The following TEAD1 variants were observed in gnomAD, a reference collection of about 807,000 sequenced individuals.
The protein encoded by TEAD1 is TEA domain transcription factor 1, also known as transcriptional enhancer factor TEF-1.
In TEAD1, 9 loss-of-function variants were observed where a neutral mutation model predicts 54.9. That is an observed-to-expected ratio of 0.16 (90% CI 0.10 to 0.29). The LOEUF (loss-of-function observed/expected upper bound fraction) is 0.29. Among genes scored for constraint, TEAD1 ranks in the 10% least tolerant of loss-of-function variants. TEAD1 has a pLI of 1.00. For synonymous variants in TEAD1, 200 were observed against 187.8 expected, an observed-to-expected ratio of 1.07 and a Z score of -0.53; for missense variants, 387 against 535.9, an observed-to-expected ratio of 0.72 and a Z score of 2.74.
In TEAD1 at chr11:12,850,306, C is replaced by T. The variant is rs1283520107; in HGVS notation, c.203-11944C>T. 3.3e-5 allele frequency among the ~76,000 whole-genome samples: 5 copies of T among 152,254 alleles called. No individual in the cohort carries two copies. The East Asian group carries it at 9.7e-4, about 29-fold the overall frequency. On this transcript the variant is annotated intron_variant, in intron 3 of 12. Coordinates refer to ENST00000527636, the MANE Select transcript of TEAD1 (RefSeq NM_021961.6). ...AAACAATTAGCCTGGCGTGGTGGCT[C>T]ATGCCTGTAATCCCAGCTACTCAGG...
At chr11:12,855,781 CA>C (rs113125361) in intron 3 of TEAD1, among the ~76,000 whole-genome samples, 3 of 147,150 alleles carry the variant, frequency 2.0e-5, no homozygotes, top group African/African-American at 2.5e-5. Flanking sequence ...TCTGTCTCTA[CA>C]AAAAAAAAAT....
At chr11:12,750,659 A>G (rs1304755952) in intron 2 of TEAD1, among the ~76,000 whole-genome samples, 2 of 152,124 alleles carry the variant, frequency 1.3e-5, no homozygotes, top group African/African-American at 4.8e-5. Context: ...ACCTTTCGTC[A>G]TGGCCTATGA....
intron 10 of TEAD1, among the ~76,000 whole-genome samples, chr11:12,923,084 T>TATAC (rs977440808): frequency 7.9e-5 from 12 of 152,016 alleles, no homozygotes; most frequent in Non-Finnish European, 1.6e-4. Flanking sequence ...TATATATATA[T>TATAC]ATACATACTT....
At chr11:12,725,558 A>G (rs1944294627) in intron 2 of TEAD1, among the ~76,000 whole-genome samples, 1 of 152,228 alleles carries the variant, frequency 6.6e-6, no homozygotes, top group Non-Finnish European at 1.5e-5. Context: ...TATTCCATGC[A>G]TGTAACAAAA....
At chr11:12,718,816 G>C (rs1416989745) in intron 2 of TEAD1, among the ~76,000 whole-genome samples, 1 of 151,892 alleles carries the variant, frequency 6.6e-6, no homozygotes, top group Non-Finnish European at 1.5e-5. Context: ...TTTTTAAAAG[G>C]AAAAATTTCA....
At chr11:12,838,676 C>T (rs1002262940) in intron 3 of TEAD1, among the ~76,000 whole-genome samples, 3 of 152,184 alleles carry the variant, frequency 2.0e-5, no homozygotes, top group African/African-American at 7.2e-5. Flanking sequence ...TGGCCTTGTG[C>T]ACGTCTTTTG....
Position 12,898,693 on chromosome 11 carries a change from C to T in TEAD1, c.700-3247C>T, listed in dbSNP as rs941485137. On this transcript the variant is annotated intron_variant, in intron 9 of 12. Coordinates refer to ENST00000527636, the MANE Select transcript of TEAD1 (RefSeq NM_021961.6). ...ACAGGTGTGAGCCACCAATCCTGGC[C>T]CCTATCAAACATTTCTTATATGGCA... Among the ~76,000 whole-genome samples, 4 of 152,152 alleles carry T rather than the reference C, an allele frequency of 2.6e-5. No homozygotes were observed. The South Asian group carries it at 8.3e-4, about 32-fold the overall frequency.
intron 2 of TEAD1, among the ~76,000 whole-genome samples, chr11:12,733,518 G>T (rs1944464990): frequency 6.6e-6 from 1 of 152,200 alleles, no homozygotes; most frequent in Non-Finnish European, 1.5e-5. Context: ...GTGGCCTTGG[G>T]AATTTAACAG....
intron 2 of TEAD1, among the ~76,000 whole-genome samples, chr11:12,681,186 T>C (rs1943213749): frequency 1.3e-5 from 2 of 152,174 alleles, no homozygotes; most frequent in Non-Finnish European, 2.9e-5. Context: ...GTATTGTCAT[T>C]GAGAGAAAAA....
chr11:12,882,233 T>G (rs576053716), intron 8 of TEAD1, among the ~76,000 whole-genome samples: 3 of 152,272 alleles, frequency 2.0e-5, no homozygotes, highest in African/African-American at 7.2e-5. Context: ...GAAGGCGAAG[T>G]TGCTGCAGCA....
intron 3 of TEAD1, among the ~76,000 whole-genome samples, chr11:12,831,162 T>G (rs962617869): frequency 6.6e-6 from 1 of 152,214 alleles, no homozygotes. Context: ...CCATGGTTCC[T>G]CCTCCAGGAA....
At chr11:12,737,662 T>C (rs1944564684) in intron 2 of TEAD1, among the ~76,000 whole-genome samples, 2 of 152,204 alleles carry the variant, frequency 1.3e-5, no homozygotes, top group Admixed American at 6.5e-5. Flanking sequence ...AGCTTATGCA[T>C]GCCTTTTAGT....
intron 2 of TEAD1, among the ~76,000 whole-genome samples, chr11:12,724,449 C>T (rs1017469913): frequency 6.6e-6 from 1 of 152,220 alleles, no homozygotes; most frequent in Non-Finnish European, 1.5e-5. Flanking sequence ...CGTATGCCAG[C>T]TAATGTAGTG....
intron 3 of TEAD1, chr11:12,849,553 C>T (rs1227816743): frequency 1.3e-5 from 2 of 152,184 alleles, no homozygotes; most frequent in Non-Finnish European, 2.9e-5. Flanking sequence ...AGCAAGTCAT[C>T]CCTGAGCATG....
chr11:12,688,576 G>T (rs1943384032), intron 2 of TEAD1, among the ~76,000 whole-genome samples: 1 of 152,158 alleles, frequency 6.6e-6, no homozygotes, highest in Non-Finnish European at 1.5e-5. Flanking sequence ...TCCTAACTGT[G>T]CAGTTCTTAC....
rs1949122579 is a variant in TEAD1, at chr11:12,937,668, A to G, written c.*446A>G. ...AAATTCTTGTTTTAAGATACAAGTA[A>G]AATTAATCTTTAAATATAAATGTAA... On this transcript the variant is annotated 3_prime_UTR_variant, in exon 13 of 13. Transcript: ENST00000527636. 1 of 153,498 alleles carries G rather than the reference A, an allele frequency of 6.5e-6. No homozygotes were observed. Among genetic ancestry groups the G allele is most frequent in the South Asian group, 2.0e-4 (1 of 4,882 alleles). The allele number at this position is 153,498 out of a possible 1,614,324, so 9.5% of individuals were successfully genotyped here. A position where few individuals can be genotyped will look rare whatever the true frequency, so the allele number is the denominator to read the frequency against.
At position 12,675,428 on chromosome 11, in the gene TEAD1, G is replaced by A; in HGVS notation, c.-188G>A. 2 of 152,534 alleles carry A rather than the reference G, an allele frequency of 1.3e-5. No homozygotes were observed. The highest frequency in any genetic ancestry group is 2.9e-5 in the Non-Finnish European group (2 of 68,270). The allele number at this position is 152,534 out of a possible 1,614,324, so 9.4% of individuals were successfully genotyped here. A position where few individuals can be genotyped will look rare whatever the true frequency, so the allele number is the denominator to read the frequency against. On this transcript the variant is annotated 5_prime_UTR_variant, in exon 2 of 13. Transcript: ENST00000527636. ...CTCCAGGACTGTTGCTGCCGCTGCC[G>A]CCGCCGCTTCATTGCACATTCAAGT...
chr11:12,861,104 T>C (rs1211297309), intron 3 of TEAD1, among the ~76,000 whole-genome samples: 1 of 152,214 alleles, frequency 6.6e-6, no homozygotes, highest in Non-Finnish European at 1.5e-5. Flanking sequence ...CTGTAGAAAG[T>C]ATGTAGAAAT....
chr11:12,750,566 G>A (rs539202102), intron 2 of TEAD1, among the ~76,000 whole-genome samples: 8 of 151,602 alleles, frequency 5.3e-5, no homozygotes, highest in Non-Finnish European at 1.2e-4. Flanking sequence ...CAGACAGACA[G>A]ACACACACAC....
Sources: allele counts gnomAD v4.1 joint callset (sites outside exome capture counted in the v4.1 genomes callset), GRCh38; gene constraint gnomAD v4.1.1; transcripts MANE v1.5; gene names NCBI Gene and HGNC (gene_info 2026-07-23, HGNC 2026-07-21).